The following ITGA10 variants were observed in gnomAD, a reference collection of about 807,000 sequenced individuals.
ITGA10 encodes integrin subunit alpha 10.
In ITGA10, 105 loss-of-function variants were observed where a neutral mutation model predicts 145.2. The ratio of observed to expected loss-of-function variants is 0.72; its 90% CI spans 0.62 to 0.85. The LOEUF (loss-of-function observed/expected upper bound fraction) is 0.85, where lower values mean the gene tolerates loss of function less well. Ranked by LOEUF, ITGA10 falls within the 40% of genes least tolerant of loss-of-function variation. ITGA10 has a pLI of 0.00. For missense variants in ITGA10, 1,317 were observed against 1,444.5 expected (o/e 0.91, Z 1.43); for synonymous variants, 506 against 557.8 (o/e 0.91, Z 1.31).
Position 145,900,927 on chromosome 1 carries a change from C to T in ITGA10, c.1654G>A (p.Ala552Thr). ...TTCAGATCAGGAAGAGCTCCCATGG[C>T]AAAGCCAAACCGAGCATCCTGGGGG... The part of the protein sequence containing the change: ...EPPQDARFGF[A>T]MGALPDLNQD... The change falls in exon 14 of 30, where the codon GCC becomes ACC. Residue 552 changes from alanine to threonine, a missense_variant. Coordinates refer to ENST00000369304, the MANE Select transcript of ITGA10 (RefSeq NM_003637.5). 1 of 1,614,146 alleles carries T rather than the reference C, an allele frequency of 6.2e-7. No homozygotes were observed. Among genetic ancestry groups the T allele is most frequent in the Non-Finnish European group, 8.5e-7 (1 of 1,180,022 alleles).
rs587628654 is a variant in ITGA10 at position 145,897,750 on chromosome 1, G to T, written c.2432+65C>A. 4 of 1,608,518 alleles carry T rather than the reference G, an allele frequency of 2.5e-6. No individual in the cohort carries two copies. In the Admixed American group the frequency reaches 6.7e-5, roughly 27 times the overall value. ...ATGGGTAAGAAACAACCCCCTACCC[G>T]CCCTTCGAGTCCCTTCCAGTCTGTC... On this transcript the variant is annotated intron_variant, in intron 19 of 29. Transcript: ENST00000369304.
Position 145,898,242 on chromosome 1 carries a change from A to T in ITGA10, c.2233-19T>A, listed in dbSNP as rs377557469. The T allele has an allele frequency of 1.7e-5, 25 of 1,433,602 alleles. No individual in the cohort carries two copies. Among genetic ancestry groups the T allele is most frequent in the Non-Finnish European group, 3.0e-6 (3 of 1,015,844 alleles). 88.8% of individuals were successfully genotyped at this position (1,433,602 alleles called of 1,614,324 possible). On this transcript the variant is annotated intron_variant, in intron 17 of 29. Coordinates refer to ENST00000369304, the MANE Select transcript of ITGA10 (RefSeq NM_003637.5). ...ATGTATCCTGAAGGAAAACAGAGTC[A>T]CAGAGTCACAGAGTCAAGGATCTTG...
intron 18 of ITGA10, 32 bp downstream of exon 18, chr1:145,898,077 TG>T: frequency 6.7e-7 from 1 of 1,501,032 alleles, no homozygotes; most frequent in Non-Finnish European, 9.3e-7. Context: ...AGGGCAGTGT[TG>T]GGAGCAAGGG....
Position 145,906,827 on chromosome 1 carries a change from G to T in ITGA10, c.275-3C>A. 6.2e-7 allele frequency: 1 copy of T among 1,605,330 alleles called. No individual in the cohort carries two copies. The highest frequency in any genetic ancestry group is 8.5e-7 in the Non-Finnish European group (1 of 1,172,404). ...TGAATTTCCCAGTTGGTAGTCACCT[G>T]GTTGGAAGGAGGTGGAAGAGAATGA... On this transcript the variant is annotated splice_region_variant and splice_polypyrimidine_tract_variant and intron_variant, in intron 3 of 29. Coordinates refer to ENST00000369304, the MANE Select transcript of ITGA10 (RefSeq NM_003637.5).
chr1:145,895,750 G>GT (rs1553744791), intron 25 of ITGA10, 39 bp from the exon 26 acceptor site: 2 of 1,591,894 alleles, frequency 1.3e-6, no homozygotes, highest in Non-Finnish European at 1.7e-6. Context: ...TCCTGATGGG[G>GT]TGGCGCTAGC....
In ITGA10 at chr1:145,900,200, G is replaced by T; in HGVS notation, c.1792-13C>A. 6.2e-7 allele frequency: 1 copy of T among 1,607,634 alleles called. No individual in the cohort carries two copies. Among genetic ancestry groups the T allele is most frequent in the Non-Finnish European group, 8.5e-7 (1 of 1,176,952 alleles). ...CAGCAGCAATCCTCTGAGAGGAAGAGAGAGAATACTGAGGCAGGGACCCAT... is the reference window on the plus strand; with the variant it reads ...CAGCAGCAATCCTCTGAGAGGAAGATAGAGAATACTGAGGCAGGGACCCAT... On this transcript the variant is annotated splice_polypyrimidine_tract_variant and intron_variant, in intron 14 of 29. Transcript: ENST00000369304.
At chr1:145,893,752 A>G in intron 27 of ITGA10, 117 bp from the exon 28 acceptor site, 1 of 720,272 alleles carries the variant, frequency 1.4e-6, no homozygotes. Context: ...GGCTCTCAAG[A>G]CCAGAAGAAA....
intron 14 of ITGA10, 120 bp downstream of exon 14, chr1:145,900,670 T>G (rs782076584): frequency 9.7e-7 from 1 of 1,028,112 alleles, no homozygotes; most frequent in Non-Finnish European, 1.5e-6. Context: ...TGTTTTTGCC[T>G]ACTAATAAAA....
chr1:145,901,227 C>T lies in ITGA10; in HGVS notation c.1495G>A (p.Gly499Arg), dbSNP rs1553748224. ...ELCPLDTDRD[G>R]TTDVLLVAAP... Reference sequence around the variant, plus strand: ...GCCACAAGTAAGACATCAGTTGTTCCATCCCTATCTGTATCCAATGGGCAG... The same window carrying T: ...GCCACAAGTAAGACATCAGTTGTTCTATCCCTATCTGTATCCAATGGGCAG... The change falls in exon 13 of 30, where the codon GGA becomes AGA. Residue 499 changes from glycine (G) to arginine (R), a missense_variant. Physicochemically the swap from Gly to Arg is moderately radical, Grantham distance 125. Coordinates refer to ENST00000369304, the MANE Select transcript of ITGA10 (RefSeq NM_003637.5). The surrounding 1 kb of genome is among the most constrained non-coding windows in gnomAD (Gnocchi z 4.3). 1 of 1,614,108 alleles carries T rather than the reference C, an allele frequency of 6.2e-7. No homozygotes were observed. The highest frequency in any genetic ancestry group is 2.2e-5 in the East Asian group (1 of 44,878).
chr1:145,908,306 G>C (rs1272447280), intron 1 of ITGA10, among the ~76,000 whole-genome samples: 1 of 152,100 alleles, frequency 6.6e-6, no homozygotes, highest in Admixed American at 6.5e-5. Flanking sequence ...CTAGGTCCCT[G>C]GTTGATTCCA....
chr1:145,893,333 C>G, intron 28 of ITGA10, 59 bp from the exon 29 acceptor site: 1 of 1,224,218 alleles, frequency 8.2e-7, no homozygotes, highest in Non-Finnish European at 1.2e-6. Context: ...AGCCTCACCC[C>G]ACATTATATC....
rs587632329 is a variant in ITGA10, at chr1:145,899,052, C to T, written c.2116G>A (p.Glu706Lys). Reference sequence around the variant, plus strand: ...GCTGCACGTGCCCCAGCAGTCCATTCATCCAGTGATGCGGTGAACCTCATG... The same window carrying T: ...GCTGCACGTGCCCCAGCAGTCCATTTATCCAGTGATGCGGTGAACCTCATG... Reference protein sequence around the residue: ...FYMRFTASLDEWTAGARAAFD... With the variant: ...FYMRFTASLDKWTAGARAAFD... The change falls in exon 17 of 30, where the codon GAA (glutamate) becomes AAA (lysine). Residue 706 changes from glutamate to lysine, a missense_variant. Glu to Lys is a moderately conservative substitution (Grantham distance 56). Transcript: ENST00000369304. The T allele has an allele frequency of 2.6e-5, 42 of 1,614,222 alleles. 1 individual carries two copies. In the Admixed American group the frequency reaches 6.0e-4, roughly 23 times the overall value.
In ITGA10 at chr1:145,892,583, G is replaced by T. The variant is rs1553743522; in HGVS notation, c.*215C>A. The T allele has an allele frequency of 8.5e-6, 4 of 471,984 alleles. No individual in the cohort carries two copies. 29.2% of individuals were successfully genotyped at this position (471,984 alleles called of 1,614,324 possible). On this transcript the variant is annotated 3_prime_UTR_variant, in exon 30 of 30. Coordinates refer to ENST00000369304, the MANE Select transcript of ITGA10 (RefSeq NM_003637.5). The stretch of plus-strand genomic sequence containing the variant: ...AGGAGGAGGGAAGCAGAGGGTGGGA[G>T]CATGGCTAGTTTTGGTGCCAGCTCT...
At chr1:145,903,852 G>C (rs1391880261) in intron 7 of ITGA10, among the ~76,000 whole-genome samples, 200 bp downstream of exon 7, 1 of 151,900 alleles carries the variant, frequency 6.6e-6, no homozygotes, top group African/African-American at 2.4e-5. Context: ...ACCATGCCTG[G>C]CTAATTTTGT....
intron 19 of ITGA10, 48 bp downstream of exon 19, chr1:145,897,767 C>A: frequency 6.2e-7 from 1 of 1,609,730 alleles, no homozygotes; most frequent in Non-Finnish European, 8.5e-7. Flanking sequence ...GAGTCCCTTC[C>A]AGTCTGTCTC....
rs782699802 is a variant in ITGA10, at chr1:145,893,499, T to C, written c.3324+41A>G. 2.5e-5 allele frequency: 37 copies of C among 1,496,356 alleles called. No individual in the cohort carries two copies. In the South Asian group the frequency reaches 3.6e-4, roughly 15 times the overall value. 92.7% of individuals were successfully genotyped at this position (1,496,356 alleles called of 1,614,324 possible). ...GGGTGGCCCTACCACATACCCATCA[T>C]CATTATTTTCACAGCTCTCAGACTC... is the stretch of plus-strand genomic sequence containing the variant. On this transcript the variant is annotated intron_variant, in intron 28 of 29. Coordinates refer to ENST00000369304, the MANE Select transcript of ITGA10 (RefSeq NM_003637.5).
At position 145,897,656 on chromosome 1, in the gene ITGA10, G is replaced by A; in HGVS notation, c.2433-3C>T. The A allele has an allele frequency of 3.7e-6, 6 of 1,614,090 alleles. No individual in the cohort carries two copies. The highest frequency in any genetic ancestry group is 5.1e-6 in the Non-Finnish European group (6 of 1,180,022). ...CTCGAACCACAAATGGGGCCTTCCT[G>A]GGAATGATGAATGAGGGAGAGACCA... On this transcript the variant is annotated splice_region_variant and splice_polypyrimidine_tract_variant and intron_variant, in intron 19 of 29. Coordinates refer to ENST00000369304, the MANE Select transcript of ITGA10 (RefSeq NM_003637.5).
rs1553746103 is a variant in ITGA10, at chr1:145,898,197, C to T, written c.2259G>A (p.Val753=). The T allele has an allele frequency of 6.2e-7, 1 of 1,613,920 alleles. No homozygotes were observed. The highest frequency in any genetic ancestry group is 1.7e-5 in the Admixed American group (1 of 60,004). Residue 753 remains valine, a synonymous_variant, in exon 18 of 30, where the codon GTG becomes GTA. Transcript: ENST00000369304. ...CCAAGGCAAAGGTCACAGTCAAGGC[C>T]ACTGGCCGGAGGTAATCTGATGTAT... The part of the protein sequence containing the change: ...VLDTSDYLRP[V]ALTVTFALDN...
intron 23 of ITGA10, 57 bp from the exon 24 acceptor site, chr1:145,896,409 G>T: frequency 7.5e-7 from 1 of 1,334,312 alleles, no homozygotes; most frequent in Non-Finnish European, 1.1e-6. Flanking sequence ...AGACACAGGG[G>T]CACATGATCA....
Sources: allele counts gnomAD v4.1 joint callset (sites outside exome capture counted in the v4.1 genomes callset), GRCh38; gene constraint gnomAD v4.1.1; non-coding constraint Gnocchi (gnomAD v3.1); transcripts MANE v1.5; gene names NCBI Gene and HGNC (gene_info 2026-07-23, HGNC 2026-07-21).